Variants in LINS1 observed in about 807,000 individuals in gnomAD.
LINS1 encodes protein Lines homolog 1.
In LINS1, 27 loss-of-function variants were observed where a neutral mutation model predicts 41.6. The ratio of observed to expected loss-of-function variants is 0.65; its 90% CI spans 0.48 to 0.89. LINS1 has a LOEUF of 0.89. Among genes scored for constraint, LINS1 ranks in the 40% least tolerant of loss-of-function variants. The probability of loss-of-function intolerance (pLI) is 0.00; values close to 1 mark genes in which losing one functional copy is unlikely to be tolerated. For missense variants in LINS1, 955 were observed against 884.1 expected, an observed-to-expected ratio of 1.08 and a Z score of -1.02; for synonymous variants, 336 against 312.9, an observed-to-expected ratio of 1.07 and a Z score of -0.78.
chr15:100,572,467 AT>A, intron 5 of LINS1: 1 of 1,061,732 alleles, frequency 9.4e-7, no homozygotes, highest in Non-Finnish European at 1.1e-6. Flanking sequence ...TGTCTTCAAA[AT>A]AACAGAAAAA....
In LINS1 at chr15:100,580,672, G is replaced by C; in HGVS notation, c.171C>G (p.Gly57=). 1 of 1,613,916 alleles carries C rather than the reference G, an allele frequency of 6.2e-7. No individual in the cohort carries two copies. The highest frequency in any genetic ancestry group is 8.5e-7 in the Non-Finnish European group (1 of 1,179,916). ...CACCAACAGAGATGGGCTGATGCCT[G>C]CCCTGGATACCACAGGTGTTTGCCC... is the stretch of plus-strand genomic sequence containing the variant. ...LEWANTCGIQ[G]RHQPISVGVA... Residue 57 remains glycine, a synonymous_variant, in exon 2 of 7, where the codon GGC becomes GGG. Transcript: ENST00000314742.
At chr15:100,581,794 C>G (rs2141314481) in intron 1 of LINS1, among the ~76,000 whole-genome samples, 1 of 152,294 alleles carries the variant, frequency 6.6e-6, no homozygotes, top group East Asian at 1.9e-4. Context: ...AAGAGGCAAC[C>G]CTCTCCCCAG....
chr15:100,594,412 T>C (rs2039161492), intron 1 of LINS1, among the ~76,000 whole-genome samples: 1 of 152,060 alleles, frequency 6.6e-6, no homozygotes, highest in East Asian at 1.9e-4. Context: ...CAAATGTTGT[T>C]GGCAGTGCTG....
At chr15:100,576,572 C>A (rs2038195124) in intron 3 of LINS1, 1 of 152,232 alleles carries the variant, frequency 6.6e-6, no homozygotes, top group South Asian at 2.1e-4. Flanking sequence ...CAGATGGATT[C>A]ACAGCCGAAT....
chr15:100,575,490 T>C (rs1351152132), intron 3 of LINS1, among the ~76,000 whole-genome samples: 1 of 152,136 alleles, frequency 6.6e-6, no homozygotes, highest in South Asian at 2.1e-4. Flanking sequence ...TAAATATATA[T>C]GCACCCAATA....
At chr15:100,573,451 G>A in intron 5 of LINS1, 200 bp downstream of exon 5, 1 of 943,484 alleles carries the variant, frequency 1.1e-6, no homozygotes, top group East Asian at 2.9e-5. Flanking sequence ...CAAATTCATT[G>A]TAGGCACAAA....
Position 100,569,140 on chromosome 15 carries a change from A to AAAT in LINS1, c.*97_*98insATT. The AAAT allele has an allele frequency of 1.2e-6, 1 of 808,700 alleles. No homozygotes were observed. The highest frequency in any genetic ancestry group is 1.9e-6 in the Non-Finnish European group (1 of 514,948). The allele number at this position is 808,700 out of a possible 1,614,324, so 50.1% of individuals were successfully genotyped here. On this transcript the variant is annotated 3_prime_UTR_variant, in exon 7 of 7. Coordinates refer to ENST00000314742, the MANE Select transcript of LINS1 (RefSeq NM_001040616.3). Reference sequence around the variant, plus strand: ...TCTGTCTCAAAAAAAAAAAAAAAAAAGAAAACCCTTTTATGGTGATGATTT... The same window carrying AAAT: ...TCTGTCTCAAAAAAAAAAAAAAAAAAAATGAAAACCCTTTTATGGTGATGATTT...
intron 1 of LINS1, 149 bp downstream of exon 1, chr15:100,601,972 C>G (rs1221206371): frequency 6.6e-6 from 1 of 152,210 alleles, no homozygotes; most frequent in Non-Finnish European, 1.5e-5. Context: ...GTCTGACAAG[C>G]GCTGAACAGG....
chr15:100,574,756 G>A (rs1467916910), intron 4 of LINS1, among the ~76,000 whole-genome samples: 1 of 152,138 alleles, frequency 6.6e-6, no homozygotes, highest in East Asian at 1.9e-4. Flanking sequence ...ACGAATATCA[G>A]TAACATCAAA....
chr15:100,574,938 G>C (rs199681567), intron 4 of LINS1, 49 bp downstream of exon 4: 1,916 of 1,585,280 alleles, frequency 1.2e-3, no homozygotes, highest in Middle Eastern at 2.2e-3. Context: ...TAAATGCAAC[G>C]CTCCCAGGAG....
At chr15:100,593,358 G>T (rs756139769) in intron 1 of LINS1, among the ~76,000 whole-genome samples, 14 of 152,234 alleles carry the variant, frequency 9.2e-5, no homozygotes, top group Non-Finnish European at 1.5e-4. Context: ...TCTATCTGAA[G>T]CCTCTGTTTA....
At chr15:100,601,933 C>T (rs3794504) in intron 1 of LINS1, among the ~76,000 whole-genome samples, 188 bp downstream of exon 1, 55,316 of 151,976 alleles carry the variant, frequency 0.36, 11,123 homozygotes, top group Non-Finnish European at 0.46. Context: ...TCTCAAGGAC[C>T]GACAGCCGCG....
chr15:100,586,664 G>A (rs2038813161), intron 1 of LINS1, among the ~76,000 whole-genome samples: 1 of 152,160 alleles, frequency 6.6e-6, no homozygotes, highest in Non-Finnish European at 1.5e-5. Flanking sequence ...TAATTCAGAA[G>A]TTATCTAAAA....
chr15:100,597,241 T>C (rs1256376909), intron 1 of LINS1, among the ~76,000 whole-genome samples: 1 of 152,166 alleles, frequency 6.6e-6, no homozygotes, highest in Non-Finnish European at 1.5e-5. Context: ...AGTAGCTCTA[T>C]TATGTGACCA....
At chr15:100,575,476 A>G (rs1279239866) in intron 3 of LINS1, among the ~76,000 whole-genome samples, 1 of 152,330 alleles carries the variant, frequency 6.6e-6, no homozygotes, top group East Asian at 1.9e-4. Flanking sequence ...AGAGCTAACT[A>G]TCCTAAATAT....
rs867434043 is a variant in LINS1, at chr15:100,582,395, A to G, written c.-103-1450T>C. 2.6e-3 allele frequency among the ~76,000 whole-genome samples: 290 copies of G among 112,960 alleles called. 50 individuals carry two copies. The highest frequency in any genetic ancestry group is 9.6e-3 in the East Asian group (27 of 2,812). 74.1% of individuals were successfully genotyped at this position (112,960 alleles called of 152,430 possible). ...GTCTTGGTCTTACACTGGGTCTTCCATCTACACTATGGCCCACTAGCCTAG... is the reference window on the plus strand; with the variant it reads ...GTCTTGGTCTTACACTGGGTCTTCCGTCTACACTATGGCCCACTAGCCTAG... On this transcript the variant is annotated intron_variant, in intron 1 of 6. Transcript: ENST00000314742.
At chr15:100,586,579 T>C (rs1206451629) in intron 1 of LINS1, among the ~76,000 whole-genome samples, 1 of 152,230 alleles carries the variant, frequency 6.6e-6, no homozygotes, top group Non-Finnish European at 1.5e-5. Flanking sequence ...CTAAGAATTC[T>C]AGTTAACACA....
In LINS1 at chr15:100,600,265, C is replaced by T. The variant is rs540964561; in HGVS notation, c.-104+1856G>A. On this transcript the variant is annotated intron_variant, in intron 1 of 6. Coordinates refer to ENST00000314742, the MANE Select transcript of LINS1 (RefSeq NM_001040616.3). ...TCATTTCAAAGTTAAACTTTCCTCA[C>T]AGAGACCAAATGGAGGAGAGACTTC... Among the ~76,000 whole-genome samples the T allele has an allele frequency of 3.9e-5, 6 of 152,246 alleles. No homozygotes were observed. The East Asian group carries it at 1.2e-3, about 29-fold the overall frequency.
intron 5 of LINS1, 166 bp from the exon 6 acceptor site, chr15:100,572,231 TGA>T: frequency 6.9e-7 from 1 of 1,446,060 alleles, no homozygotes; most frequent in African/African-American, 1.4e-5. Flanking sequence ...ATTTGGCAAA[TGA>T]GGACACTGAG....
Sources: allele counts gnomAD v4.1 joint callset (sites outside exome capture counted in the v4.1 genomes callset), GRCh38; gene constraint gnomAD v4.1.1; transcripts MANE v1.5; gene names NCBI Gene and HGNC (gene_info 2026-07-23, HGNC 2026-07-21).